Variants in GPATCH2 observed in about 807,000 individuals in gnomAD.
The protein encoded by GPATCH2 is G patch domain-containing protein 2.
A neutral mutation model predicts 58.0 loss-of-function variants in GPATCH2; 51 were observed. That is an observed-to-expected ratio of 0.88 (90% CI 0.70 to 1.11). The LOEUF is 1.11. Among genes scored for constraint, GPATCH2 ranks in the 50% most tolerant of loss-of-function variants. The probability of loss-of-function intolerance (pLI) is 0.00; values close to 1 mark genes in which losing one functional copy is unlikely to be tolerated. For missense variants in GPATCH2, 625 were observed against 652.2 expected (o/e 0.96, Z 0.45); for synonymous variants, 222 against 218.5 (o/e 1.02, Z -0.14).
chr1:217,630,051 A>G (rs373735427), intron 1 of GPATCH2, among the ~76,000 whole-genome samples: 11 of 152,256 alleles, frequency 7.2e-5, no homozygotes, highest in African/African-American at 1.9e-4. Context: ...AGGATTTTCA[A>G]TGGGAAATTG....
chr1:217,506,738 A>G (rs4846416), intron 6 of GPATCH2, among the ~76,000 whole-genome samples: 1 of 152,116 alleles, frequency 6.6e-6, no homozygotes, highest in South Asian at 2.1e-4. Flanking sequence ...CTCTGGTCTC[A>G]TCACATACCA....
intron 5 of GPATCH2, among the ~76,000 whole-genome samples, chr1:217,562,261 GAAT>G (rs1440814046): frequency 6.6e-6 from 1 of 152,142 alleles, no homozygotes; most frequent in Admixed American, 6.5e-5. Context: ...AGAGGTCTAG[GAAT>G]AATGTTACAT....
chr1:217,448,648 C>T (rs1424307806), intron 9 of GPATCH2, among the ~76,000 whole-genome samples: 1 of 152,126 alleles, frequency 6.6e-6, no homozygotes, highest in Non-Finnish European at 1.5e-5. Flanking sequence ...CTGATCAGTA[C>T]TTGTAGTCTT....
chr1:217,610,041 A>G (rs1668549103), intron 5 of GPATCH2: 2 of 1,446,810 alleles, frequency 1.4e-6, no homozygotes, highest in Non-Finnish European at 9.1e-7. Context: ...TCTTTTCATC[A>G]AAGAGGCTCT....
Position 217,628,289 on chromosome 1 carries a change from G to A in GPATCH2, c.56+2627C>T, listed in dbSNP as rs1463701775. ...TCCAAATTTTCTGCTACATTAACAAGCCAGACACTCTAGGCTTTTAGCTAA... is the reference window on the plus strand; with the variant it reads ...TCCAAATTTTCTGCTACATTAACAAACCAGACACTCTAGGCTTTTAGCTAA... On this transcript the variant is annotated intron_variant, in intron 1 of 9. Coordinates refer to ENST00000366935, the MANE Select transcript of GPATCH2 (RefSeq NM_018040.5). Among the ~76,000 whole-genome samples, 6 of 151,974 alleles carry A rather than the reference G, an allele frequency of 3.9e-5. 1 individual carries two copies. The South Asian group carries it at 1.0e-3, about 26-fold the overall frequency.
intron 6 of GPATCH2, among the ~76,000 whole-genome samples, chr1:217,511,435 G>A (rs1662845724): frequency 6.6e-6 from 1 of 152,212 alleles, no homozygotes; most frequent in Non-Finnish European, 1.5e-5. Flanking sequence ...AACTACTGCT[G>A]ATTCTGCTAG....
At chr1:217,607,174 C>G (rs1571644013) in intron 5 of GPATCH2, among the ~76,000 whole-genome samples, 1 of 152,092 alleles carries the variant, frequency 6.6e-6, no homozygotes, top group Admixed American at 6.5e-5. Context: ...TTGTTAACCC[C>G]AAAATCAATA....
intron 5 of GPATCH2, among the ~76,000 whole-genome samples, chr1:217,516,747 G>C (rs1663174593): frequency 6.6e-6 from 1 of 152,038 alleles, no homozygotes; most frequent in Non-Finnish European, 1.5e-5. Flanking sequence ...TATTAATCTT[G>C]TTTACTGACT....
intron 5 of GPATCH2, among the ~76,000 whole-genome samples, chr1:217,560,120 G>A (rs926025826): frequency 1.3e-5 from 2 of 152,170 alleles, no homozygotes; most frequent in Non-Finnish European, 2.9e-5. Context: ...TGGGATTACA[G>A]GTGTGAGCCA....
chr1:217,470,206 T>G (rs1275822387), intron 8 of GPATCH2, among the ~76,000 whole-genome samples: 3 of 152,212 alleles, frequency 2.0e-5, no homozygotes, highest in Non-Finnish European at 4.4e-5. Flanking sequence ...GAAATGGACT[T>G]TAGACCACAA....
intron 5 of GPATCH2, among the ~76,000 whole-genome samples, chr1:217,597,194 A>G (rs1399638526): frequency 6.6e-6 from 1 of 151,882 alleles, no homozygotes; most frequent in African/African-American, 2.4e-5. Context: ...TTAGCTGGGC[A>G]TGGTGGTCAG....
intron 8 of GPATCH2, among the ~76,000 whole-genome samples, chr1:217,478,271 C>A (rs1210028432): frequency 2.0e-5 from 3 of 152,092 alleles, no homozygotes; most frequent in Non-Finnish European, 4.4e-5. Flanking sequence ...AGTATCAAGA[C>A]CATCCAGGAA....
chr1:217,602,787 T>C (rs1210941254), intron 5 of GPATCH2, among the ~76,000 whole-genome samples: 1 of 152,206 alleles, frequency 6.6e-6, no homozygotes, highest in East Asian at 1.9e-4. Context: ...TCATTTTTAT[T>C]ATGGCACACA....
intron 5 of GPATCH2, among the ~76,000 whole-genome samples, chr1:217,532,900 GTTTTTTTT>G (rs59591091): frequency 8.1e-5 from 9 of 110,864 alleles, no homozygotes; most frequent in African/African-American, 3.5e-4. Flanking sequence ...TTTTTTTTTT[GTTTTTTTT>G]TTTTTTTTGA....
At chr1:217,474,803 T>C (rs1660898792) in intron 8 of GPATCH2, among the ~76,000 whole-genome samples, 1 of 152,134 alleles carries the variant, frequency 6.6e-6, no homozygotes. Context: ...ATAGTTCTCT[T>C]CTCTCACCTT....
At chr1:217,507,357 T>A (rs962160678) in intron 6 of GPATCH2, among the ~76,000 whole-genome samples, 2 of 152,208 alleles carry the variant, frequency 1.3e-5, no homozygotes, top group Non-Finnish European at 2.9e-5. Flanking sequence ...TCTAAAATTA[T>A]GCTCAAGAGG....
chr1:217,486,899 T>C (rs892438799), intron 8 of GPATCH2, among the ~76,000 whole-genome samples: 1 of 152,202 alleles, frequency 6.6e-6, no homozygotes, highest in African/African-American at 2.4e-5. Flanking sequence ...AAGGACATGA[T>C]AATCTTTCAC....
At chr1:217,448,986 T>C (rs569529053) in intron 9 of GPATCH2, among the ~76,000 whole-genome samples, 51 of 152,210 alleles carry the variant, frequency 3.4e-4, no homozygotes, top group Non-Finnish European at 6.9e-4. Context: ...GCCAAAGATA[T>C]AGCCTTTGAA....
chr1:217,437,905 C>A (rs1343695323), intron 9 of GPATCH2, among the ~76,000 whole-genome samples: 4 of 152,218 alleles, frequency 2.6e-5, no homozygotes, highest in Non-Finnish European at 5.9e-5. Flanking sequence ...AATGCCTCCT[C>A]AAGTGGGTCC....
Sources: gnomAD v4.1 joint callset for allele counts (sites outside exome capture counted in the v4.1 genomes callset) on GRCh38, gnomAD v4.1.1 for gene constraint, MANE v1.5 for transcripts, NCBI Gene and HGNC (gene_info 2026-07-23, HGNC 2026-07-21) for gene names.